Variants in CCNB1IP1 observed in about 807,000 individuals in gnomAD.
CCNB1IP1 encodes the protein E3 ubiquitin-protein ligase CCNB1IP1.
A neutral mutation model predicts 25.6 loss-of-function variants in CCNB1IP1; 14 were observed. That is an observed-to-expected ratio of 0.55 (90% CI 0.36 to 0.85). The LOEUF (loss-of-function observed/expected upper bound fraction) is 0.85. CCNB1IP1 is among the 40% of genes least tolerant of loss of function. The pLI is 0.01. For missense variants in CCNB1IP1, 278 were observed against 342.4 expected (o/e 0.81, Z 1.48); for synonymous variants, 119 against 116.1 (o/e 1.02, Z -0.16).
intron 4 of CCNB1IP1, 106 bp from the exon 5 acceptor site, chr14:20,316,666 T>C (rs1594276360): frequency 1.7e-6 from 1 of 602,464 alleles, no homozygotes; most frequent in Middle Eastern, 4.2e-4. Context: ...CTGCACATTT[T>C]ATTATATTCC....
chr14:20,315,929 TAA>T (rs1053538222), intron 5 of CCNB1IP1: 18 of 444,660 alleles, frequency 4.0e-5, no homozygotes, highest in Middle Eastern at 3.3e-4. Flanking sequence ...CTCTTAACAA[TAA>T]AAGTGTGTGT....
intron 4 of CCNB1IP1, chr14:20,320,351 A>G (rs899683397): frequency 1.3e-5 from 6 of 455,846 alleles, no homozygotes; most frequent in Non-Finnish European, 2.6e-5. Flanking sequence ...CATTCCAACA[A>G]CTTCAGTATT....
intron 4 of CCNB1IP1, among the ~76,000 whole-genome samples, chr14:20,319,259 C>T (rs933469001): frequency 4.6e-5 from 7 of 152,174 alleles, no homozygotes; most frequent in African/African-American, 1.2e-4. Context: ...TCATCTGTTT[C>T]GGAGTAATTA....
intron 5 of CCNB1IP1, chr14:20,315,448 T>C (rs1039227780): frequency 4.5e-5 from 47 of 1,053,958 alleles, no homozygotes; most frequent in East Asian, 2.7e-4. Context: ...ACCAAAGGAG[T>C]TGAAAAATAG....
Position 20,311,580 on chromosome 14 carries a change from A to G in CCNB1IP1, c.804T>C (p.Ser268=). The G allele has an allele frequency of 6.2e-7, 1 of 1,613,888 alleles. No homozygotes were observed. ...TTCTTTTTACTTTGAAGGCCCTGCT[A>G]GAAACTTGCTGCTGCTCTAATTCAC... ...PSRELEQQQV[S]SRAFKVKRI The change falls in exon 7 of 7, where the codon TCT becomes TCC. Residue 268 remains serine (S), a synonymous_variant. Transcript: ENST00000358932.
intron 4 of CCNB1IP1, chr14:20,320,323 G>C: frequency 2.2e-6 from 1 of 455,948 alleles, no homozygotes; most frequent in South Asian, 1.5e-5. Context: ...GAGTGACCAC[G>C]ACATTCAAGA....
At chr14:20,319,850 T>C (rs1264084974) in intron 4 of CCNB1IP1, among the ~76,000 whole-genome samples, 5 of 152,232 alleles carry the variant, frequency 3.3e-5, no homozygotes, top group Admixed American at 1.3e-4. Flanking sequence ...TAAATTTCAC[T>C]GCCACCAGCA....
rs11357993 is a variant in CCNB1IP1 at position 20,321,136 on chromosome 14, CAA to C, written c.-38+4401_-38+4402del. On this transcript the variant is annotated intron_variant, in intron 4 of 6. Transcript: ENST00000358932. Reference sequence around the variant, plus strand: ...TGGGCAGCAAGAGCAAACTCCGTCTCAAAAAAAAAAAAAGAAATACTTTCCAT... The same window carrying C: ...TGGGCAGCAAGAGCAAACTCCGTCTCAAAAAAAAAAAGAAATACTTTCCAT... Among the ~76,000 whole-genome samples the C allele has an allele frequency of 1.8e-3, 255 of 138,120 alleles. 1 individual carries two copies. The highest frequency in any genetic ancestry group is 5.5e-3 in the African/African-American group (213 of 38,572). 90.6% of individuals were successfully genotyped at this position (138,120 alleles called of 152,430 possible). A position where few individuals can be genotyped will look rare whatever the true frequency, so the allele number is the denominator to read the frequency against.
chr14:20,327,095 T>TAAC (rs770211820), intron 2 of CCNB1IP1, among the ~76,000 whole-genome samples: 1 of 151,410 alleles, frequency 6.6e-6, no homozygotes, highest in African/African-American at 2.4e-5. Flanking sequence ...AAAAAAAATT[T>TAAC]AACAACAACA....
At chr14:20,323,407 C>A (rs4981957) in intron 4 of CCNB1IP1, 48,326 of 151,848 alleles carry the variant, frequency 0.32, 8,539 homozygotes, top group African/African-American at 0.48. Context: ...TGGCAAAACC[C>A]CATCTCTACA....
intron 4 of CCNB1IP1, among the ~76,000 whole-genome samples, chr14:20,324,922 G>A (rs1411909472): frequency 6.6e-6 from 1 of 152,038 alleles, no homozygotes; most frequent in Non-Finnish European, 1.5e-5. Context: ...CTGGGTTCAA[G>A]CCTCAGCCTC....
intron 5 of CCNB1IP1, 117 bp downstream of exon 5, chr14:20,316,110 A>G: frequency 2.2e-6 from 2 of 901,446 alleles, no homozygotes; most frequent in Non-Finnish European, 3.2e-6. Context: ...AATTTAATAA[A>G]AAGAGTTTCT....
chr14:20,332,017 T>C (rs1267088193), intron 1 of CCNB1IP1, among the ~76,000 whole-genome samples: 2 of 78,542 alleles, frequency 2.5e-5, no homozygotes, highest in African/African-American at 1.3e-4. Context: ...TATATATATA[T>C]ATATATATAT....
At chr14:20,318,733 A>G (rs1034570333) in intron 4 of CCNB1IP1, among the ~76,000 whole-genome samples, 3 of 152,198 alleles carry the variant, frequency 2.0e-5, no homozygotes, top group Admixed American at 6.5e-5. Flanking sequence ...GAGGAAAGCT[A>G]GACGGGTCCT....
intron 4 of CCNB1IP1, among the ~76,000 whole-genome samples, chr14:20,324,109 T>C (rs1882988442): frequency 6.6e-6 from 1 of 152,148 alleles, no homozygotes; most frequent in South Asian, 2.1e-4. Flanking sequence ...TAGAACTTAA[T>C]TAAGTTTTGA....
chr14:20,331,404 A>G (rs1038660247), intron 1 of CCNB1IP1, among the ~76,000 whole-genome samples: 1 of 152,238 alleles, frequency 6.6e-6, no homozygotes, highest in African/African-American at 2.4e-5. Context: ...CTTTCGGTAG[A>G]AAATCCTTTA....
In CCNB1IP1 at chr14:20,316,416, A is replaced by T; in HGVS notation, c.108T>A (p.His36Gln). Residue 36 changes from histidine (H) to glutamine (Q), a missense_variant, in exon 5 of 7, where the codon CAT (histidine) becomes CAA (glutamine). By Grantham distance (24) the His-to-Gln change is conservative. Coordinates refer to ENST00000358932, the MANE Select transcript of CCNB1IP1 (RefSeq NM_021178.5). Reference protein sequence around the residue: ...TACSHIFCDQHGSGEFSRSPA... With the variant: ...TACSHIFCDQQGSGEFSRSPA... ...GTGAGCGACTAAACTCACCACTGCCATGCTGATCACAGAAGATGTGAGAGC... is the reference window on the plus strand; with the variant it reads ...GTGAGCGACTAAACTCACCACTGCCTTGCTGATCACAGAAGATGTGAGAGC... 1 of 1,614,060 alleles carries T rather than the reference A, an allele frequency of 6.2e-7. No homozygotes were observed. Among genetic ancestry groups the T allele is most frequent in the Non-Finnish European group, 8.5e-7 (1 of 1,179,942 alleles).
At chr14:20,328,019 G>A (rs1306178385) in intron 2 of CCNB1IP1, among the ~76,000 whole-genome samples, 1 of 152,110 alleles carries the variant, frequency 6.6e-6, no homozygotes, top group African/African-American at 2.4e-5. Context: ...ATAACAGAAG[G>A]CTCCATTGGA....
At chr14:20,316,673 T>G (rs777928636) in intron 4 of CCNB1IP1, 113 bp from the exon 5 acceptor site, 13 of 588,220 alleles carry the variant, frequency 2.2e-5, no homozygotes, top group Non-Finnish European at 3.9e-5. Flanking sequence ...TTTTATTATA[T>G]TCCTTGTATT....
Sources: allele counts gnomAD v4.1 joint callset (sites outside exome capture counted in the v4.1 genomes callset), GRCh38; gene constraint gnomAD v4.1.1; transcripts MANE v1.5; gene names NCBI Gene and HGNC (gene_info 2026-07-23, HGNC 2026-07-21).